CLSTN1: variants seen among roughly 807,000 people sequenced by gnomAD.
CLSTN1 encodes calsyntenin 1.
CLSTN1 carries 28 observed loss-of-function variants against 108.3 expected under a neutral mutation model. That is an observed-to-expected ratio of 0.26 (90% CI 0.19 to 0.35). The LOEUF (loss-of-function observed/expected upper bound fraction) is 0.35. Among genes scored for constraint, CLSTN1 ranks in the 10% least tolerant of loss-of-function variants. The probability of loss-of-function intolerance (pLI) is 1.00; values close to 1 mark genes in which losing one functional copy is unlikely to be tolerated. For missense variants in CLSTN1, 1,157 were observed against 1,302.6 expected (o/e 0.89, Z 1.72); for synonymous variants, 524 against 534.9 (o/e 0.98, Z 0.28).
At chr1:9,743,291 G>A (rs548079124) in intron 9 of CLSTN1, among the ~76,000 whole-genome samples, 5 of 152,256 alleles carry the variant, frequency 3.3e-5, no homozygotes, top group Admixed American at 6.5e-5. Flanking sequence ...CTTTGCGGCC[G>A]GGCACAGTGG....
intron 9 of CLSTN1, among the ~76,000 whole-genome samples, chr1:9,743,188 G>A (rs776524091): frequency 2.6e-5 from 4 of 152,174 alleles, no homozygotes; most frequent in Non-Finnish European, 5.9e-5. Context: ...TTAATAGAGG[G>A]TTCTAATTTT....
At chr1:9,820,423 G>A (rs955591848) in intron 1 of CLSTN1, among the ~76,000 whole-genome samples, 6 of 152,092 alleles carry the variant, frequency 3.9e-5, no homozygotes, top group Admixed American at 1.3e-4. Context: ...TGAGGCTGAG[G>A]CAGAAGAATC....
At chr1:9,733,720 T>C (rs1650529265) in intron 15 of CLSTN1, among the ~76,000 whole-genome samples, 174 bp from the exon 16 acceptor site, 1 of 152,184 alleles carries the variant, frequency 6.6e-6, no homozygotes, top group East Asian at 1.9e-4. Context: ...AGGGGCATTC[T>C]TCCCTCTGTG....
chr1:9,751,419 TG>T, intron 5 of CLSTN1, 53 bp downstream of exon 5: 1 of 1,556,892 alleles, frequency 6.4e-7, no homozygotes, highest in Non-Finnish European at 8.8e-7. Flanking sequence ...GTAAAGTCAG[TG>T]GGGTTAGCAG....
rs146657342 is a variant in CLSTN1 at position 9,801,231 on chromosome 1, G to A, written c.91+22412C>T. On this transcript the variant is annotated intron_variant, in intron 1 of 18. Transcript: ENST00000377298. Reference sequence around the variant, plus strand: ...TTGCACTCCAGCCTGGGAAACAAGAGCGAAACTCCATCTCAAAAGTAAATA... The same window carrying A: ...TTGCACTCCAGCCTGGGAAACAAGAACGAAACTCCATCTCAAAAGTAAATA... Among the ~76,000 whole-genome samples the A allele has an allele frequency of 4.2e-3, 635 of 152,256 alleles. 12 individuals carry two copies. The East Asian group carries it at 0.043, about 10-fold the overall frequency.
chr1:9,822,386 T>C (rs1655220756), intron 1 of CLSTN1, among the ~76,000 whole-genome samples: 1 of 152,222 alleles, frequency 6.6e-6, no homozygotes, highest in Non-Finnish European at 1.5e-5. Flanking sequence ...AAAAGATGCA[T>C]TTGCCGCCTC....
chr1:9,775,671 T>C (rs1481573745), intron 1 of CLSTN1, among the ~76,000 whole-genome samples: 3 of 152,074 alleles, frequency 2.0e-5, no homozygotes, highest in Admixed American at 1.3e-4. Context: ...CCTCAGACTA[T>C]GAATGAACCA....
chr1:9,765,519 T>C (rs1380983276), intron 2 of CLSTN1, among the ~76,000 whole-genome samples: 1 of 150,374 alleles, frequency 6.7e-6, no homozygotes, highest in African/African-American at 2.5e-5. Context: ...CTGTCTCTAC[T>C]AAAAATACAA....
intron 2 of CLSTN1, among the ~76,000 whole-genome samples, chr1:9,762,825 G>A (rs1652146765): frequency 6.6e-6 from 1 of 151,920 alleles, no homozygotes; most frequent in African/African-American, 2.4e-5. Flanking sequence ...ACTCGGCCTT[G>A]GTGCCCGCAC....
At chr1:9,741,981 T>C (rs1651008199) in intron 9 of CLSTN1, among the ~76,000 whole-genome samples, 1 of 152,208 alleles carries the variant, frequency 6.6e-6, no homozygotes, top group Non-Finnish European at 1.5e-5. Context: ...GTATTTTCTT[T>C]TCCAACTCAA....
At chr1:9,741,924 G>A (rs750527011) in intron 9 of CLSTN1, among the ~76,000 whole-genome samples, 3 of 151,988 alleles carry the variant, frequency 2.0e-5, no homozygotes, top group East Asian at 3.8e-4. Flanking sequence ...CCCCACCGCC[G>A]ACAAAAAAGT....
intron 1 of CLSTN1, 61 bp from the exon 2 acceptor site, chr1:9,773,455 A>G (rs1393329854): frequency 2.7e-6 from 4 of 1,467,240 alleles, no homozygotes; most frequent in Non-Finnish European, 3.7e-6. Flanking sequence ...CAACTCCACT[A>G]CTTTTGAAGA....
chr1:9,807,016 G>A (rs1360970233), intron 1 of CLSTN1, among the ~76,000 whole-genome samples: 1 of 151,968 alleles, frequency 6.6e-6, no homozygotes, highest in Non-Finnish European at 1.5e-5. Flanking sequence ...GGGCGTGGGG[G>A]GGGGTCTGGA....
chr1:9,757,958 T>C (rs1018602920), intron 2 of CLSTN1, among the ~76,000 whole-genome samples: 2 of 152,032 alleles, frequency 1.3e-5, no homozygotes, highest in Non-Finnish European at 2.9e-5. Context: ...GTTTTAAGGT[T>C]TTAAAAATGG....
chr1:9,819,271 C>CTTTCCT (rs1373816623), intron 1 of CLSTN1, among the ~76,000 whole-genome samples: 2 of 152,128 alleles, frequency 1.3e-5, no homozygotes, highest in Non-Finnish European at 2.9e-5. Context: ...AAAAAACATA[C>CTTTCCT]TTTCCTGTCT....
In CLSTN1 at chr1:9,731,801, G is replaced by A. The variant is rs772315972; in HGVS notation, c.2523C>T (p.Asp841=). The A allele has an allele frequency of 4.3e-6, 7 of 1,614,222 alleles. No individual in the cohort carries two copies. The South Asian group carries it at 5.5e-5, about 13-fold the overall frequency. ...FVHPEHRSFV[D]LSGHNLANPH... ...GGTTGGCCAGGTTGTGGCCTGACAG[G>A]TCAACAAAGGAGCGGTGTTCCGGGT... Residue 841 remains aspartate (D), a synonymous_variant, in exon 17 of 19, where the codon GAC becomes GAT. Transcript: ENST00000377298.
In CLSTN1 at chr1:9,771,978, CT is replaced by C. The variant is rs750410911; in HGVS notation, c.214+1293del. 1.0e-3 allele frequency among the ~76,000 whole-genome samples: 144 copies of C among 144,338 alleles called. 1 individual carries two copies. The highest frequency in any genetic ancestry group is 1.1e-3 in the Non-Finnish European group (71 of 65,394). 94.7% of individuals were successfully genotyped at this position (144,338 alleles called of 152,430 possible). On this transcript the variant is annotated intron_variant, in intron 2 of 18. Transcript: ENST00000377298. ...TATTTGTCCCTAGACAAATAGAACA[CT>C]TTTTTTTTTTTTTCTGAGACAGAGT... is the stretch of plus-strand genomic sequence containing the variant.
intron 9 of CLSTN1, among the ~76,000 whole-genome samples, chr1:9,742,493 A>G (rs895112728): frequency 1.1e-4 from 17 of 152,350 alleles, no homozygotes; most frequent in Middle Eastern, 3.4e-3. Context: ...TCCATAATAC[A>G]GTTTTTAAAC....
chr1:9,779,415 A>T (rs532954914), intron 1 of CLSTN1, among the ~76,000 whole-genome samples: 35 of 151,818 alleles, frequency 2.3e-4, no homozygotes, highest in African/African-American at 8.2e-4. Flanking sequence ...TCTACCAAAA[A>T]TACAAAAATT....
Sources: gnomAD v4.1 joint callset for allele counts (sites outside exome capture counted in the v4.1 genomes callset) on GRCh38, gnomAD v4.1.1 for gene constraint, MANE v1.5 for transcripts, NCBI Gene and HGNC (gene_info 2026-07-23, HGNC 2026-07-21) for gene names.